The following MASP2 variants were observed in gnomAD, a reference collection of about 807,000 sequenced individuals.
MASP2 encodes the protein MBL associated serine protease 2, also known as mannan-binding lectin serine protease 2.
Under a neutral mutation model 57.1 loss-of-function variants are expected in MASP2, and 49 were observed. The observed-to-expected ratio is 0.86, with a 90% CI of 0.68 to 1.09. The LOEUF (loss-of-function observed/expected upper bound fraction) is 1.09. Among genes scored for constraint, MASP2 ranks in the 50% least tolerant of loss-of-function variants. MASP2 has a pLI of 0.00. For missense variants in MASP2, 900 were observed against 874.8 expected (o/e 1.03, Z -0.36); for synonymous variants, 379 against 340.8 (o/e 1.11, Z -1.24).
At chr1:11,030,544 AGTC>A (rs1029997431) in intron 9 of MASP2, 146 of 589,288 alleles carry the variant, frequency 2.5e-4, no homozygotes, top group African/African-American at 1.9e-3. Context: ...TGTTTGTAGT[AGTC>A]ATTTACTAGA....
rs377190586 is a variant in MASP2 at position 11,045,538 on chromosome 1, G to A, written c.414C>T (p.Asp138=). Reference sequence around the variant, plus strand: ...CCGGGGCCACCTGGCACTCGTCAATGTCTGGGGGAGAGGCAGGGCCAGGCA... The same window carrying A: ...CCGGGGCCACCTGGCACTCGTCAATATCTGGGGGAGAGGCAGGGCCAGGCA... The part of the protein sequence containing the change: ...TGFEAFYAAE[D]IDECQVAPGE... Residue 138 remains aspartate (D), a splice_region_variant and synonymous_variant, in exon 4 of 11, where the codon GAC becomes GAT. Transcript: ENST00000400897. 4.4e-6 allele frequency: 7 copies of A among 1,604,658 alleles called. No individual in the cohort carries two copies. The highest frequency in any genetic ancestry group is 2.2e-5 in the East Asian group (1 of 44,768).
intron 8 of MASP2, among the ~76,000 whole-genome samples, chr1:11,031,528 T>TAA (rs565771459): frequency 1.2e-4 from 8 of 67,504 alleles, no homozygotes; most frequent in African/African-American, 1.4e-4. Context: ...GACTCTGTCT[T>TAA]AAAAAAAAAA....
chr1:11,034,707 A>AG, intron 8 of MASP2, 121 bp downstream of exon 8: 1 of 701,684 alleles, frequency 1.4e-6, no homozygotes, highest in Non-Finnish European at 2.3e-6. Context: ...TCAGAAAAAA[A>AG]AAAAAAAGGG....
At chr1:11,030,529 TTG>T (rs1303526708) in intron 9 of MASP2, 2 of 580,618 alleles carry the variant, frequency 3.4e-6, no homozygotes, top group Non-Finnish European at 6.0e-6. Flanking sequence ...TTGGAATACA[TTG>T]TGTGTTTGTA....
chr1:11,035,528 A>AATC (rs113627607), intron 7 of MASP2, among the ~76,000 whole-genome samples: 113,690 of 147,552 alleles, frequency 0.77, 44,018 homozygotes, highest in Non-Finnish European at 0.82. Flanking sequence ...CCCTGTCTCA[A>AATC]ATCATCATCA....
At chr1:11,042,495 T>C (rs564649275) in intron 6 of MASP2, among the ~76,000 whole-genome samples, 35 of 148,482 alleles carry the variant, frequency 2.4e-4, no homozygotes, top group African/African-American at 7.3e-4. Context: ...GATGGATGGA[T>C]AGGATGGGTA....
intron 10 of MASP2, among the ~76,000 whole-genome samples, chr1:11,028,197 G>A (rs1427437829): frequency 1.3e-5 from 2 of 151,900 alleles, no homozygotes; most frequent in African/African-American, 4.8e-5. Flanking sequence ...CTCTAGCCTG[G>A]TAAGAGCAAA....
At chr1:11,027,946 G>A (rs1022101341) in intron 10 of MASP2, among the ~76,000 whole-genome samples, 5 of 152,126 alleles carry the variant, frequency 3.3e-5, no homozygotes, top group South Asian at 2.1e-4. Flanking sequence ...AAAATTGGCC[G>A]GGTGCAGTGT....
At chr1:11,038,842 T>TG (rs2100890988) in intron 6 of MASP2, among the ~76,000 whole-genome samples, 2 of 152,228 alleles carry the variant, frequency 1.3e-5, no homozygotes, top group Admixed American at 6.5e-5. Flanking sequence ...CCAGGGCCAG[T>TG]GGGGGTGGTC....
In MASP2 at chr1:11,045,328, C is replaced by G. The variant is rs72550869; in HGVS notation, c.544+80G>C. ...TCCAGGGCCCAGGCCCTCCGCACCCCTGGGCAGAGCAGCAATGGCCCTGAG... is the reference window on the plus strand; with the variant it reads ...TCCAGGGCCCAGGCCCTCCGCACCCGTGGGCAGAGCAGCAATGGCCCTGAG... On this transcript the variant is annotated intron_variant, in intron 4 of 10. Coordinates refer to ENST00000400897, the MANE Select transcript of MASP2 (RefSeq NM_006610.4). 3.3e-3 allele frequency: 5,301 copies of G among 1,602,494 alleles called. 154 individuals are homozygous for G. The African/African-American group carries it at 0.061, about 18-fold the overall frequency.
intron 6 of MASP2, among the ~76,000 whole-genome samples, chr1:11,041,749 GGTGGGTGGATGGATGGAAGA>G (rs1638455116): frequency 6.7e-6 from 1 of 148,696 alleles, no homozygotes; most frequent in Non-Finnish European, 1.5e-5. Flanking sequence ...AGAATGGGTG[GGTGGGTGGATGGATGGAAGA>G]ATGGGTGGAT....
intron 3 of MASP2, 24 bp downstream of exon 3, chr1:11,046,532 G>A (rs200191909): frequency 8.7e-6 from 14 of 1,613,374 alleles, no homozygotes; most frequent in Admixed American, 6.7e-5. Context: ...AGACTGAGAT[G>A]TTGCAGGACC....
chr1:11,027,245 A>G lies in MASP2; in HGVS notation c.1701T>C (p.Ile567=), dbSNP rs750968196. The change falls in exon 11 of 11, where the codon ATT becomes ATC. Residue 567 remains isoleucine, a synonymous_variant. Coordinates refer to ENST00000400897, the MANE Select transcript of MASP2 (RefSeq NM_006610.4). ...EAESFMRTDD[I]GTASGWGLTQ... is the part of the protein sequence containing the mutation. ...TTAATCCCCATCCAGATGCAGTTCC[A>G]ATGTCATCTGTCCTCATAAAGGATT... 2 of 1,614,212 alleles carry G rather than the reference A, an allele frequency of 1.2e-6. No homozygotes were observed. The highest frequency in any genetic ancestry group is 1.7e-6 in the Non-Finnish European group (2 of 1,180,044).
At chr1:11,044,905 C>T in intron 4 of MASP2, 2 of 1,598,386 alleles carry the variant, frequency 1.3e-6, no homozygotes, top group Non-Finnish European at 8.5e-7. Flanking sequence ...GCTCTGGCTT[C>T]TGACCTGCTG....
intron 7 of MASP2, among the ~76,000 whole-genome samples, chr1:11,035,239 C>A (rs933954469): frequency 1.3e-5 from 2 of 152,048 alleles, no homozygotes; most frequent in African/African-American, 4.8e-5. Flanking sequence ...CATATCAGAT[C>A]TCAGCCAGGT....
At chr1:11,030,043 G>T in intron 10 of MASP2, 133 bp downstream of exon 10, 1 of 624,996 alleles carries the variant, frequency 1.6e-6, no homozygotes. Context: ...ATACTATTTG[G>T]AAATAATAAC....
chr1:11,043,236 G>C lies in MASP2; in HGVS notation c.741+103C>G, dbSNP rs986847137. 6.2e-6 allele frequency: 7 copies of C among 1,126,826 alleles called. No homozygotes were observed. The Admixed American group carries it at 1.6e-4, about 26-fold the overall frequency. 69.8% of individuals were successfully genotyped at this position (1,126,826 alleles called of 1,614,324 possible). A position where few individuals can be genotyped will look rare whatever the true frequency, so the allele number is the denominator to read the frequency against. On this transcript the variant is annotated intron_variant, in intron 5 of 10. Transcript: ENST00000400897. ...AGCACCTGAAGAGGTGGGGGTCACCGAGGGTGACGGGAACGTGGTGGGGGC... is the reference window on the plus strand; with the variant it reads ...AGCACCTGAAGAGGTGGGGGTCACCCAGGGTGACGGGAACGTGGTGGGGGC...
At chr1:11,039,351 T>C (rs1301012339) in intron 6 of MASP2, among the ~76,000 whole-genome samples, 1 of 150,408 alleles carries the variant, frequency 6.6e-6, no homozygotes, top group Non-Finnish European at 1.5e-5. Flanking sequence ...GATGGATGGA[T>C]GGATGGATGG....
At chr1:11,041,207 G>A (rs908101477) in intron 6 of MASP2, among the ~76,000 whole-genome samples, 5 of 151,024 alleles carry the variant, frequency 3.3e-5, no homozygotes, top group African/African-American at 1.2e-4. Context: ...TGTGTTGGTA[G>A]AAGGAAGGGT....
Sources: allele counts gnomAD v4.1 joint callset (sites outside exome capture counted in the v4.1 genomes callset), GRCh38; gene constraint gnomAD v4.1.1; transcripts MANE v1.5; gene names NCBI Gene and HGNC (gene_info 2026-07-23, HGNC 2026-07-21).